The following TRIML2 variants were observed in gnomAD, a reference collection of about 807,000 sequenced individuals.
TRIML2 encodes tripartite motif family like 2, also known as probable E3 ubiquitin-protein ligase TRIML2.
A neutral mutation model predicts 31.2 loss-of-function variants in TRIML2; 28 were observed. The ratio of observed to expected loss-of-function variants is 0.90; its 90% CI spans 0.66 to 1.23. The LOEUF (loss-of-function observed/expected upper bound fraction) is 1.23, where lower values mean the gene tolerates loss of function less well. Ranked by LOEUF, TRIML2 falls within the 50% of genes most tolerant of loss-of-function variation. The pLI, the probability that TRIML2 is intolerant of heterozygous loss-of-function variation, is 0.00. For synonymous variants in TRIML2, 187 were observed against 197.5 expected, an observed-to-expected ratio of 0.95 and a Z score of 0.45; for missense variants, 536 against 528.3, an observed-to-expected ratio of 1.01 and a Z score of -0.14.
At chr4:188,100,071 A>G (rs1733704536) in intron 4 of TRIML2, among the ~76,000 whole-genome samples, 1 of 152,152 alleles carries the variant, frequency 6.6e-6, no homozygotes, top group African/African-American at 2.4e-5. Flanking sequence ...TTCCTTATTC[A>G]TATACACAGA....
intron 5 of TRIML2, among the ~76,000 whole-genome samples, chr4:188,097,604 TCA>T (rs1202735716): frequency 2.6e-5 from 4 of 152,196 alleles, no homozygotes; most frequent in African/African-American, 9.7e-5. Flanking sequence ...CCATCATTTC[TCA>T]GTCTTCAGAC....
chr4:188,101,379 C>CT, intron 3 of TRIML2, 129 bp from the exon 4 acceptor site: 1 of 488,238 alleles, frequency 2.0e-6, no homozygotes, highest in East Asian at 3.4e-5. Context: ...ACAATGTATT[C>CT]TTTCCATCTC....
chr4:188,107,550 A>G (rs185960968), intron 1 of TRIML2, among the ~76,000 whole-genome samples: 14 of 152,336 alleles, frequency 9.2e-5, no homozygotes, highest in Non-Finnish European at 1.9e-4. Flanking sequence ...TCCCAAGCAC[A>G]AAAGTTGTAC....
Position 188,105,558 on chromosome 4 carries a change from C to G in TRIML2, c.-190G>C, listed in dbSNP as rs1579185317. On this transcript the variant is annotated 5_prime_UTR_variant, in exon 2 of 8. Transcript: ENST00000682553. Reference sequence around the variant, plus strand: ...ACAGAGCGGGTCGGCGCTCTGGACTCCTCAAATCCAACAAATTTCTGGCAG... The same window carrying G: ...ACAGAGCGGGTCGGCGCTCTGGACTGCTCAAATCCAACAAATTTCTGGCAG... 1 of 434,628 alleles carries G rather than the reference C, an allele frequency of 2.3e-6. No homozygotes were observed. Among genetic ancestry groups the G allele is most frequent in the Non-Finnish European group, 4.1e-6 (1 of 244,406 alleles). The allele number at this position is 434,628 out of a possible 1,614,324, so 26.9% of individuals were successfully genotyped here.
intron 7 of TRIML2, among the ~76,000 whole-genome samples, chr4:188,094,354 A>G (rs1257248375): frequency 6.6e-6 from 1 of 152,212 alleles, no homozygotes; most frequent in Non-Finnish European, 1.5e-5. Flanking sequence ...CATATACTGC[A>G]TGACTTTGTA....
At chr4:188,092,478 A>AAAC (rs1281900617) in intron 7 of TRIML2, among the ~76,000 whole-genome samples, 2 of 151,826 alleles carry the variant, frequency 1.3e-5, no homozygotes, top group East Asian at 3.9e-4. Context: ...ACAAACAAAC[A>AAAC]AACAAACAAA....
In TRIML2 at chr4:188,105,399, C is replaced by A; in HGVS notation, c.-31G>T. 1.3e-6 allele frequency: 2 copies of A among 1,494,326 alleles called. No individual in the cohort carries two copies. Among genetic ancestry groups the A allele is most frequent in the South Asian group, 1.2e-5 (1 of 82,632 alleles). The allele number at this position is 1,494,326 out of a possible 1,614,324, so 92.6% of individuals were successfully genotyped here. The stretch of plus-strand genomic sequence containing the variant: ...TAGGGGTCCCTAGTTGAAGACTGGA[C>A]TGTATGCTTCTACTGAGGTATCTCC... On this transcript the variant is annotated 5_prime_UTR_variant, in exon 2 of 8. Coordinates refer to ENST00000682553, the MANE Select transcript of TRIML2 (RefSeq NM_173553.4).
Position 188,109,405 on chromosome 4 carries a change from T to C in TRIML2, c.-385A>G, listed in dbSNP as rs1467697073. On this transcript the variant is annotated 5_prime_UTR_variant, in exon 1 of 8. Transcript: ENST00000682553. ...GATTCTCCCACCTTGACCTCCTGAG[T>C]AGCTGGGATTACAGGCGCTGCACGA... 1.3e-5 allele frequency: 2 copies of C among 150,296 alleles called. No homozygotes were observed. The highest frequency in any genetic ancestry group is 2.9e-5 in the Non-Finnish European group (2 of 67,802). 9.3% of individuals were successfully genotyped at this position (150,296 alleles called of 1,614,324 possible).
At position 188,099,017 on chromosome 4, in the gene TRIML2, T is replaced by C. The variant is rs1733650059; in HGVS notation, c.621+18A>G. The C allele has an allele frequency of 6.2e-7, 1 of 1,613,660 alleles. No individual in the cohort carries two copies. Among genetic ancestry groups the C allele is most frequent in the Non-Finnish European group, 8.5e-7 (1 of 1,179,830 alleles). ...AAATACTGGAATGAATTTTATTTTC[T>C]TTTTCCCAGCATCTTACCTTGAGCA... On this transcript the variant is annotated intron_variant, in intron 5 of 7. Transcript: ENST00000682553.
In TRIML2 at chr4:188,097,125, A is replaced by G. The variant is rs975126150; in HGVS notation, c.681T>C (p.Ala227=). The change falls in exon 7 of 8, where the codon GCT becomes GCC. Residue 227 remains alanine (A), a synonymous_variant. Transcript: ENST00000682553. ...KSLLLEHLEP[A]HITDLSLCHI... ...GGCATAAACTCAGGTCTGTGATATGAGCGGGCTCCAGATGCTCAAGCAGCA... is the reference window on the plus strand; with the variant it reads ...GGCATAAACTCAGGTCTGTGATATGGGCGGGCTCCAGATGCTCAAGCAGCA... 1.1e-5 allele frequency: 18 copies of G among 1,614,000 alleles called. No individual in the cohort carries two copies. Among genetic ancestry groups the G allele is most frequent in the Non-Finnish European group, 1.5e-5 (18 of 1,180,026 alleles).
At chr4:188,104,272 A>G (rs1333357691) in intron 3 of TRIML2, among the ~76,000 whole-genome samples, 1 of 152,226 alleles carries the variant, frequency 6.6e-6, no homozygotes, top group African/African-American at 2.4e-5. Context: ...AATTCTTTCA[A>G]TGTATTTAAA....
intron 7 of TRIML2, 84 bp from the exon 8 acceptor site, chr4:188,092,025 C>A: frequency 7.1e-7 from 1 of 1,410,214 alleles, no homozygotes; most frequent in Non-Finnish European, 9.6e-7. Flanking sequence ...CCTGGGCTTC[C>A]CACTGAGTGG....
rs1160420125 is a variant in TRIML2, at chr4:188,109,470, G to A, written c.-450C>T. 6.6e-6 allele frequency: 1 copy of A among 151,610 alleles called. No individual in the cohort carries two copies. Among genetic ancestry groups the A allele is most frequent in the African/African-American group, 2.4e-5 (1 of 41,234 alleles). 9.4% of individuals were successfully genotyped at this position (151,610 alleles called of 1,614,324 possible). Reference sequence around the variant, plus strand: ...TTTTTGTATTTTTTGTAGAGACGGGGTTTCAGTATTTTTCCCAGGCTGGTC... The same window carrying A: ...TTTTTGTATTTTTTGTAGAGACGGGATTTCAGTATTTTTCCCAGGCTGGTC... On this transcript the variant is annotated 5_prime_UTR_variant, in exon 1 of 8. Transcript: ENST00000682553.
chr4:188,104,388 G>GA (rs1733933849), intron 3 of TRIML2, among the ~76,000 whole-genome samples: 3 of 151,354 alleles, frequency 2.0e-5, no homozygotes, highest in Admixed American at 2.0e-4. Context: ...TTTTGAGATG[G>GA]AGTCTTGCTC....
At chr4:188,096,486 C>T (rs192041267) in intron 7 of TRIML2, among the ~76,000 whole-genome samples, 8 of 122,024 alleles carry the variant, frequency 6.6e-5, no homozygotes, top group African/African-American at 2.3e-4. Flanking sequence ...GAGCCAAGAT[C>T]GCACCACTGC....
intron 7 of TRIML2, among the ~76,000 whole-genome samples, chr4:188,096,256 C>T (rs1361298533): frequency 2.6e-5 from 4 of 151,642 alleles, no homozygotes; most frequent in Admixed American, 2.6e-4. Context: ...AAAAATTAGC[C>T]AGGCGTGGTG....
rs145048322 is a variant in TRIML2, at chr4:188,103,005, GTT to G, written c.286-1757_286-1756del. On this transcript the variant is annotated intron_variant, in intron 3 of 7. Transcript: ENST00000682553. ...CTCCACCTCTGCTTTTACTCTCTTG[GTT>G]TTTTTTTTTTTTTTTTTTTTTTTGA... 4.2e-3 allele frequency among the ~76,000 whole-genome samples: 410 copies of G among 97,754 alleles called. 7 individuals carry two copies. The highest frequency in any genetic ancestry group is 8.2e-3 in the African/African-American group (209 of 25,470). 64.1% of individuals were successfully genotyped at this position (97,754 alleles called of 152,430 possible).
chr4:188,098,903 G>A (rs879691120), intron 5 of TRIML2, 132 bp downstream of exon 5: 4 of 1,075,482 alleles, frequency 3.7e-6, no homozygotes, highest in Non-Finnish European at 5.2e-6. Flanking sequence ...CTGAAAGAAA[G>A]TCATGTAGCC....
At chr4:188,105,116 C>A in intron 2 of TRIML2, 64 bp downstream of exon 2, 1 of 1,543,276 alleles carries the variant, frequency 6.5e-7, no homozygotes, top group South Asian at 1.2e-5. Flanking sequence ...ACCAGAATGT[C>A]TGTCCATTTC....
Sources: allele counts gnomAD v4.1 joint callset (sites outside exome capture counted in the v4.1 genomes callset), GRCh38; gene constraint gnomAD v4.1.1; transcripts MANE v1.5; gene names NCBI Gene and HGNC (gene_info 2026-07-23, HGNC 2026-07-21).